WASHC2C: variants seen among roughly 807,000 people sequenced by gnomAD.
The protein encoded by WASHC2C is WASH complex subunit 2C.
In WASHC2C, 73 loss-of-function variants were observed where a neutral mutation model predicts 142.2. The observed-to-expected ratio is 0.51, with a 90% CI of 0.43 to 0.62. The LOEUF (loss-of-function observed/expected upper bound fraction) is 0.62. WASHC2C is among the 20% of genes least tolerant of loss of function. The pLI is 0.00. For missense variants in WASHC2C, 969 were observed against 1,531.7 expected (o/e 0.63, Z 6.13); for synonymous variants, 337 against 565.5 (o/e 0.60, Z 5.73).
At position 45,751,674 on chromosome 10, in the gene WASHC2C, A is replaced by G. The variant is rs2053605023; in HGVS notation, c.1003+121A>G. The G allele has an allele frequency of 3.4e-6, 5 of 1,463,648 alleles. No individual in the cohort carries two copies. In the South Asian group the frequency reaches 3.8e-5, roughly 11 times the overall value. 90.7% of individuals were successfully genotyped at this position (1,463,648 alleles called of 1,614,324 possible). On this transcript the variant is annotated intron_variant, in intron 11 of 30. Transcript: ENST00000623400. Reference sequence around the variant, plus strand: ...CCCTCTGACAAATGGGTCTGTCTCCATTTACTTTTCTAAAGCCTCTGGGCT... The same window carrying G: ...CCCTCTGACAAATGGGTCTGTCTCCGTTTACTTTTCTAAAGCCTCTGGGCT...
At chr10:45,735,514 C>T (rs1296720157) in intron 3 of WASHC2C, among the ~76,000 whole-genome samples, 4 of 152,062 alleles carry the variant, frequency 2.6e-5, no homozygotes, top group African/African-American at 4.8e-5. Flanking sequence ...TATGAGCCTC[C>T]CAAAGTGCTG....
intron 13 of WASHC2C, among the ~76,000 whole-genome samples, chr10:45,753,632 G>GT (rs4042685): frequency 1.4e-5 from 2 of 139,160 alleles, no homozygotes; most frequent in Non-Finnish European, 3.1e-5. Context: ...AGGTTTTTTT[G>GT]TTTTTTTGTT....
At chr10:45,738,566 A>G (rs2051571055) in intron 4 of WASHC2C, among the ~76,000 whole-genome samples, 1 of 151,920 alleles carries the variant, frequency 6.6e-6, no homozygotes, top group Non-Finnish European at 1.5e-5. Flanking sequence ...GATCACCTGT[A>G]AAGGTTGGCC....
chr10:45,750,693 A>G, intron 9 of WASHC2C, 58 bp from the exon 10 acceptor site: 1 of 1,498,744 alleles, frequency 6.7e-7, no homozygotes, highest in Non-Finnish European at 9.0e-7. Context: ...TAGGTGTCCA[A>G]AGTGAAGTGT....
intron 19 of WASHC2C, among the ~76,000 whole-genome samples, chr10:45,767,152 C>G (rs1480566701): frequency 1.4e-5 from 2 of 146,664 alleles, no homozygotes; most frequent in Admixed American, 1.4e-4. Flanking sequence ...GCCTGTAATC[C>G]CAACTACTCA....
In WASHC2C at chr10:45,792,460, G is replaced by A. The variant is rs2058443599; in HGVS notation, c.*60G>A. 7.7e-6 allele frequency: 12 copies of A among 1,560,080 alleles called. 4 individuals are homozygous for A. Among genetic ancestry groups the A allele is most frequent in the East Asian group, 2.2e-5 (1 of 44,720 alleles). On this transcript the variant is annotated 3_prime_UTR_variant, in exon 31 of 31. Coordinates refer to ENST00000623400, the MANE Select transcript of WASHC2C (RefSeq NM_001330074.2). ...ACATTGTTGAGTTAGTGATGATATTGTATATGCTCATGGTCTTAACTGGAT... is the reference window on the plus strand; with the variant it reads ...ACATTGTTGAGTTAGTGATGATATTATATATGCTCATGGTCTTAACTGGAT...
At chr10:45,781,403 A>G (rs1359159437) in intron 23 of WASHC2C, among the ~76,000 whole-genome samples, 7 of 151,608 alleles carry the variant, frequency 4.6e-5, no homozygotes, top group African/African-American at 1.7e-4. Flanking sequence ...AAGAATAGCC[A>G]ACAGTCTTGA....
At position 45,784,570 on chromosome 10, in the gene WASHC2C, C is replaced by T. The variant is rs544156897; in HGVS notation, c.2484C>T (p.Cys828=). Residue 828 remains cysteine, a synonymous_variant, in exon 24 of 31, where the codon TGC becomes TGT. Coordinates refer to ENST00000623400, the MANE Select transcript of WASHC2C (RefSeq NM_001330074.2). ...QAPQKEVGKG[C]DPDAHPKSTG... is the part of the protein sequence containing the mutation. ...ACCTTCCCTCCTGTTCCCAGGGCTG[C>T]GATCCTGATGCCCACCCCAAGAGCA... The T allele has an allele frequency of 2.0e-5, 32 of 1,611,352 alleles. 1 individual carries two copies. The highest frequency in any genetic ancestry group is 8.9e-5 in the East Asian group (4 of 44,846).
chr10:45,783,524 T>C (rs1473088087), intron 23 of WASHC2C, among the ~76,000 whole-genome samples: 6 of 152,150 alleles, frequency 3.9e-5, no homozygotes, highest in Non-Finnish European at 7.4e-5. Context: ...TGCAGTGGCA[T>C]GATCTCGGCC....
At chr10:45,733,705 G>T (rs1212518239) in intron 3 of WASHC2C, among the ~76,000 whole-genome samples, 1 of 152,094 alleles carries the variant, frequency 6.6e-6, no homozygotes, top group Admixed American at 6.5e-5. Context: ...CTGCTGATGG[G>T]TAACCATGGT....
intron 14 of WASHC2C, among the ~76,000 whole-genome samples, 177 bp from the exon 15 acceptor site, chr10:45,754,759 G>A (rs1224718854): frequency 1.3e-5 from 2 of 152,182 alleles, no homozygotes; most frequent in African/African-American, 4.8e-5. Context: ...GAGCGACCTG[G>A]TGATTCTCCG....
At chr10:45,742,338 G>C (rs1395104127) in intron 5 of WASHC2C, among the ~76,000 whole-genome samples, 4 of 152,192 alleles carry the variant, frequency 2.6e-5, no homozygotes, top group African/African-American at 9.7e-5. Flanking sequence ...TTTTGAGTCG[G>C]AGTTTCGCTC....
At chr10:45,752,098 C>T (rs1190588015) in intron 11 of WASHC2C, among the ~76,000 whole-genome samples, 4 of 152,136 alleles carry the variant, frequency 2.6e-5, no homozygotes, top group Non-Finnish European at 4.4e-5. Flanking sequence ...TCTTGTCTTC[C>T]TAGAATTCTT....
intron 27 of WASHC2C, 109 bp downstream of exon 27, chr10:45,786,783 G>A (rs868950638): frequency 1.1e-5 from 17 of 1,589,442 alleles, no homozygotes; most frequent in Middle Eastern, 2.3e-4. Context: ...CTCTTCCCCC[G>A]CCTCCCCTCC....
At chr10:45,741,179 C>T (rs1554867739) in intron 5 of WASHC2C, among the ~76,000 whole-genome samples, 1 of 152,140 alleles carries the variant, frequency 6.6e-6, no homozygotes, top group Non-Finnish European at 1.5e-5. Flanking sequence ...AACTCCCAAC[C>T]TCAGGTGATC....
chr10:45,728,649 A>T (rs997898047), intron 2 of WASHC2C, among the ~76,000 whole-genome samples: 2 of 151,844 alleles, frequency 1.3e-5, no homozygotes, highest in African/African-American at 4.8e-5. Flanking sequence ...GAGGCAGGAG[A>T]ATCGCTTGAA....
At chr10:45,736,405 C>CAAAAAAAAA (rs71520974) in intron 3 of WASHC2C, among the ~76,000 whole-genome samples, 1 of 24,562 alleles carries the variant, frequency 4.1e-5, no homozygotes, top group African/African-American at 1.4e-4. Flanking sequence ...GACTCCATCT[C>CAAAAAAAAA]AAAAAAAAAA....
chr10:45,739,410 G>A (rs1315633184), intron 4 of WASHC2C, among the ~76,000 whole-genome samples: 46 of 147,974 alleles, frequency 3.1e-4, no homozygotes, highest in African/African-American at 1.2e-3. Flanking sequence ...TGGCACACTT[G>A]TGTCTGTGGG....
chr10:45,728,781 G>A, intron 2 of WASHC2C, 81 bp from the exon 3 acceptor site: 2 of 1,490,036 alleles, frequency 1.3e-6, no homozygotes, highest in African/African-American at 1.4e-5. Context: ...AAGGTGAAAG[G>A]AAATGGGTTC....
Sources: gnomAD v4.1 joint callset for allele counts (sites outside exome capture counted in the v4.1 genomes callset) on GRCh38, gnomAD v4.1.1 for gene constraint, MANE v1.5 for transcripts, NCBI Gene and HGNC (gene_info 2026-07-23, HGNC 2026-07-21) for gene names.